ZNF385D: variants seen among roughly 807,000 people sequenced by gnomAD.
ZNF385D encodes zinc finger protein 659.
ZNF385D carries 15 observed loss-of-function variants against 35.8 expected under a neutral mutation model. The ratio of observed to expected loss-of-function variants is 0.42; its 90% CI spans 0.28 to 0.64. The LOEUF is 0.64. Ranked by LOEUF, ZNF385D falls within the 30% of genes least tolerant of loss-of-function variation. The probability of loss-of-function intolerance (pLI) is 0.23; values close to 1 mark genes in which losing one functional copy is unlikely to be tolerated. For synonymous variants in ZNF385D, 212 were observed against 186.8 expected, an observed-to-expected ratio of 1.13 and a Z score of -1.10; for missense variants, 474 against 494.6, an observed-to-expected ratio of 0.96 and a Z score of 0.39.
At chr3:22,187,058 C>A (rs77530535) in intron 2 of ZNF385D, among the ~76,000 whole-genome samples, 1,591 of 152,112 alleles carry the variant, frequency 0.01, 20 homozygotes, top group African/African-American at 0.036. Flanking sequence ...AGACTCAGGG[C>A]GTAATGACAT....
intron 1 of ZNF385D, among the ~76,000 whole-genome samples, chr3:21,711,039 G>GTTGTTTTTTTTTTT (rs2068082583): frequency 1.2e-5 from 1 of 83,152 alleles, no homozygotes; most frequent in Non-Finnish European, 2.1e-5. Context: ...CCCTCTAAAA[G>GTTGTTTTTTTTTTT]TTTTTTTTTT....
chr3:22,075,133 C>G (rs1576272335), intron 3 of ZNF385D, among the ~76,000 whole-genome samples: 1 of 152,022 alleles, frequency 6.6e-6, no homozygotes, highest in East Asian at 1.9e-4. Flanking sequence ...AGCATTGATA[C>G]TTTCTAAATC....
At chr3:21,944,241 G>T (rs1403199996) in intron 3 of ZNF385D, among the ~76,000 whole-genome samples, 1 of 152,114 alleles carries the variant, frequency 6.6e-6, no homozygotes, top group Non-Finnish European at 1.5e-5. Flanking sequence ...GTCTCCTGTG[G>T]CAAGAAAACT....
intron 3 of ZNF385D, among the ~76,000 whole-genome samples, chr3:21,835,089 A>G (rs1203645708): frequency 6.6e-6 from 1 of 152,108 alleles, no homozygotes; most frequent in African/African-American, 2.4e-5. Flanking sequence ...ATTGGTATAC[A>G]GTCATGACCC....
intron 2 of ZNF385D, among the ~76,000 whole-genome samples, chr3:22,314,006 C>G (rs924108316): frequency 3.3e-5 from 5 of 152,112 alleles, no homozygotes; most frequent in Admixed American, 2.0e-4. Flanking sequence ...GATTCCAGTC[C>G]TTCTGGAAAT....
chr3:21,889,964 T>G (rs1698764523), intron 3 of ZNF385D, among the ~76,000 whole-genome samples: 1 of 152,110 alleles, frequency 6.6e-6, no homozygotes, highest in Non-Finnish European at 1.5e-5. Flanking sequence ...TGCGTGTGCC[T>G]GTGTGTGAAT....
In ZNF385D at chr3:21,623,337, G is replaced by C. The variant is rs79220370; in HGVS notation, c.165+41549C>G. On this transcript the variant is annotated intron_variant, in intron 2 of 7. Transcript: ENST00000281523. The stretch of plus-strand genomic sequence containing the variant: ...ATTACACATTAATAACCGATCTCAG[G>C]GAAAAAACATTTGTTTTTGTTTTTT... Among the ~76,000 whole-genome samples, 895 of 152,128 alleles carry C rather than the reference G, an allele frequency of 5.9e-3. 14 individuals are homozygous for C. Among genetic ancestry groups the C allele is most frequent in the African/African-American group, 0.021 (871 of 41,500 alleles).
chr3:21,504,573 G>T (rs1706631374), intron 4 of ZNF385D, among the ~76,000 whole-genome samples: 1 of 152,144 alleles, frequency 6.6e-6, no homozygotes, highest in Non-Finnish European at 1.5e-5. Flanking sequence ...CAAGAGGCAT[G>T]CCCTCTAGCA....
At chr3:21,567,406 A>AAAATT (rs1455814001) in intron 2 of ZNF385D, among the ~76,000 whole-genome samples, 1 of 152,148 alleles carries the variant, frequency 6.6e-6, no homozygotes, top group Non-Finnish European at 1.5e-5. Context: ...CCCCAGAACC[A>AAAATT]AAATTAACAA....
intron 3 of ZNF385D, among the ~76,000 whole-genome samples, chr3:21,967,879 T>C (rs1284752800): frequency 6.6e-6 from 1 of 152,172 alleles, no homozygotes; most frequent in Non-Finnish European, 1.5e-5. Context: ...TGACTATCCA[T>C]ACAAAAACCA....
chr3:22,241,551 G>C (rs1699493995), intron 2 of ZNF385D, among the ~76,000 whole-genome samples: 2 of 151,200 alleles, frequency 1.3e-5, no homozygotes, highest in South Asian at 4.3e-4. Flanking sequence ...TTTGAGTTTT[G>C]CCTACTTCAG....
At chr3:21,995,888 G>T (rs894922255) in intron 3 of ZNF385D, among the ~76,000 whole-genome samples, 2 of 152,148 alleles carry the variant, frequency 1.3e-5, no homozygotes, top group East Asian at 3.9e-4. Flanking sequence ...TGTCCTAGGG[G>T]CAGCTTTCCC....
At chr3:21,890,163 C>T (rs1698775489) in intron 3 of ZNF385D, among the ~76,000 whole-genome samples, 1 of 151,936 alleles carries the variant, frequency 6.6e-6, no homozygotes, top group Admixed American at 6.6e-5. Context: ...TCCTACAAAC[C>T]CTAATATTAT....
At chr3:22,172,362 T>A (rs990201411) in intron 2 of ZNF385D, among the ~76,000 whole-genome samples, 1 of 152,226 alleles carries the variant, frequency 6.6e-6, no homozygotes, top group East Asian at 1.9e-4. Context: ...GTGGCACACA[T>A]AAGATGACTC....
At chr3:21,863,191 G>A (rs986462641) in intron 3 of ZNF385D, among the ~76,000 whole-genome samples, 20 of 152,024 alleles carry the variant, frequency 1.3e-4, no homozygotes, top group African/African-American at 4.3e-4. Flanking sequence ...TGAACTAGAA[G>A]TTTCATTAAA....
intron 3 of ZNF385D, among the ~76,000 whole-genome samples, chr3:21,911,686 A>T (rs1699972236): frequency 1.3e-5 from 2 of 151,962 alleles, no homozygotes; most frequent in African/African-American, 2.4e-5. Flanking sequence ...TAACATTAAA[A>T]GCCATTAAAT....
intron 3 of ZNF385D, among the ~76,000 whole-genome samples, chr3:21,916,206 A>G (rs1700185764): frequency 6.6e-6 from 1 of 152,158 alleles, no homozygotes; most frequent in African/African-American, 2.4e-5. Flanking sequence ...GAAATATATA[A>G]TTAAAATAAA....
At chr3:22,183,217 TTGTTTTTA>T (rs1695401081) in intron 2 of ZNF385D, among the ~76,000 whole-genome samples, 1 of 152,202 alleles carries the variant, frequency 6.6e-6, no homozygotes, top group African/African-American at 2.4e-5. Context: ...TGGACATTTT[TTGTTTTTA>T]TTTTTCACAG....
At chr3:22,082,936 G>A (rs764836759) in intron 3 of ZNF385D, among the ~76,000 whole-genome samples, 4 of 152,160 alleles carry the variant, frequency 2.6e-5, no homozygotes, top group African/African-American at 7.2e-5. Flanking sequence ...AGGCAAACAG[G>A]GTCTGGGGTG....
Sources: gnomAD v4.1 joint callset for allele counts (sites outside exome capture counted in the v4.1 genomes callset) on GRCh38, gnomAD v4.1.1 for gene constraint, MANE v1.5 for transcripts, NCBI Gene and HGNC (gene_info 2026-07-23, HGNC 2026-07-21) for gene names.